Variants in KCTD1 observed in about 807,000 individuals in gnomAD.
The protein encoded by KCTD1 is potassium channel tetramerization domain containing 1, also known as BTB/POZ domain-containing protein KCTD1.
A neutral mutation model predicts 66.0 loss-of-function variants in KCTD1; 24 were observed. That is an observed-to-expected ratio of 0.36 (90% CI 0.26 to 0.51). The LOEUF (loss-of-function observed/expected upper bound fraction) is 0.51. KCTD1 is among the 20% of genes least tolerant of loss of function. KCTD1 has a pLI of 0.95. For missense variants in KCTD1, 943 were observed against 1,205.2 expected, an observed-to-expected ratio of 0.78 and a Z score of 3.22; for synonymous variants, 511 against 517.2, an observed-to-expected ratio of 0.99 and a Z score of 0.16.
At chr18:26,632,467 T>C (rs1370122798), upstream of KCTD1, among the ~76,000 whole-genome samples, 1 of 152,156 alleles carries the variant, frequency 6.6e-6, no homozygotes, top group East Asian at 1.9e-4. Context: ...AATTTGACTT[T>C]GTCATGGAAG....
chr18:26,657,419 T>G (rs1029184858), upstream of KCTD1: 12 of 983,076 alleles, frequency 1.2e-5, no homozygotes, highest in African/African-American at 1.7e-5. Context: ...CTCTCCCCCC[T>G]TTTCCGATTT....
At chr18:26,479,774 T>G (rs1981539615) in intron 2 of KCTD1, among the ~76,000 whole-genome samples, 1 of 152,190 alleles carries the variant, frequency 6.6e-6, no homozygotes, top group South Asian at 2.1e-4. Context: ...GGTCGTAAAA[T>G]GGCGTCCCTG....
In KCTD1 at chr18:26,476,009, C is replaced by T. The variant is rs1981328134; in HGVS notation, c.2133+506G>A. Among the ~76,000 whole-genome samples the T allele has an allele frequency of 6.6e-6, 1 of 152,114 alleles. No homozygotes were observed. The highest frequency in any genetic ancestry group is 6.5e-5 in the Admixed American group (1 of 15,274). Reference sequence around the variant, plus strand: ...TGCAAAAATTACATTTTCGTGAATTCCCTTCTAATATTAACACTTTCTATT... The same window carrying T: ...TGCAAAAATTACATTTTCGTGAATTTCCTTCTAATATTAACACTTTCTATT... On this transcript the variant is annotated intron_variant, in intron 3 of 4. Transcript: ENST00000580059. This position sits in a 1 kb window ranked among gnomAD's most constrained non-coding sequence, Gnocchi z 4.9.
intron 1 of KCTD1, among the ~76,000 whole-genome samples, chr18:26,617,814 A>G (rs1987286534): frequency 8.1e-6 from 1 of 123,072 alleles, no homozygotes; most frequent in African/African-American, 3.1e-5. Flanking sequence ...TGAGCTTGGC[A>G]TTAAGCAATC....
At chr18:26,527,473 G>A (rs1984220081) in intron 1 of KCTD1, among the ~76,000 whole-genome samples, 1 of 136,068 alleles carries the variant, frequency 7.3e-6, no homozygotes, top group East Asian at 2.4e-4. Context: ...ATGTGAAAGA[G>A]GGCTACTGCA....
chr18:26,632,943 G>A (rs1987652820), upstream of KCTD1, among the ~76,000 whole-genome samples: 3 of 152,062 alleles, frequency 2.0e-5, no homozygotes, highest in African/African-American at 4.8e-5. Context: ...AGGGGGTAAG[G>A]AGGGGAAGGA....
intron 2 of KCTD1, among the ~76,000 whole-genome samples, chr18:26,479,209 G>A (rs575905221): frequency 6.6e-6 from 1 of 152,252 alleles, no homozygotes; most frequent in Non-Finnish European, 1.5e-5. Flanking sequence ...TGGGCGTCCG[G>A]GTGGGAGAGA....
At chr18:26,491,461 C>T (rs1159956014) in intron 2 of KCTD1, among the ~76,000 whole-genome samples, 2 of 152,166 alleles carry the variant, frequency 1.3e-5, no homozygotes, top group African/African-American at 4.8e-5. Flanking sequence ...CAACTTTGTC[C>T]CTGGCTGCAG....
chr18:26,548,264 C>A lies in KCTD1; in HGVS notation c.273G>T (p.Glu91Asp). ...GGGGLEEDEE[E>D]EEEEEMGLDW... is the part of the protein sequence containing the mutation. Reference sequence around the variant, plus strand: ...CCAGCCCCATCTCCTCCTCTTCCTCCTCCTCCTCGTCCTCCTCCAGCCCCC... The same window carrying A: ...CCAGCCCCATCTCCTCCTCTTCCTCATCCTCCTCGTCCTCCTCCAGCCCCC... The change falls in exon 1 of 5, where the codon GAG becomes GAT. Residue 91 changes from glutamate to aspartate, a missense_variant. This residue lies in a region of KCTD1 where 236 missense variants were observed against 206.6 expected (regional missense o/e 1.14). Coordinates refer to ENST00000580059, the MANE Select transcript of KCTD1 (RefSeq NM_001142730.3). 6.6e-7 allele frequency: 1 copy of A among 1,514,888 alleles called. No individual in the cohort carries two copies. Among genetic ancestry groups the A allele is most frequent in the Non-Finnish European group, 8.8e-7 (1 of 1,135,286 alleles). The allele number at this position is 1,514,888 out of a possible 1,614,324, so 93.8% of individuals were successfully genotyped here.
At chr18:26,475,490 G>C (rs1981295111) in intron 3 of KCTD1, among the ~76,000 whole-genome samples, 1 of 152,112 alleles carries the variant, frequency 6.6e-6, no homozygotes, top group South Asian at 2.1e-4. Flanking sequence ...TTTATTCCTA[G>C]GTGTTATAAT....
At chr18:26,494,973 T>C (rs1482702192) in intron 2 of KCTD1, among the ~76,000 whole-genome samples, 2 of 152,250 alleles carry the variant, frequency 1.3e-5, no homozygotes, top group African/African-American at 4.8e-5. Flanking sequence ...ATACCTATTC[T>C]GTGACTTTTA....
intron 2 of KCTD1, among the ~76,000 whole-genome samples, chr18:26,498,504 T>C (rs1982593973): frequency 6.6e-6 from 1 of 150,606 alleles, no homozygotes; most frequent in Admixed American, 6.7e-5. Context: ...AAGAAACAAG[T>C]AAAATTAATT....
intron 1 of KCTD1, among the ~76,000 whole-genome samples, chr18:26,603,746 A>AAAAG: frequency 1.0e-5 from 1 of 96,266 alleles, no homozygotes. Context: ...GTGTCTCAAA[A>AAAAG]AAATAAAATA....
At chr18:26,568,407 T>C (rs1017624188) in intron 1 of KCTD1, among the ~76,000 whole-genome samples, 2 of 151,916 alleles carry the variant, frequency 1.3e-5, no homozygotes, top group African/African-American at 4.8e-5. Flanking sequence ...CAGCTAATAT[T>C]TGTATTTTTA....
intron 1 of KCTD1, among the ~76,000 whole-genome samples, chr18:26,520,787 C>T (rs1983873712): frequency 6.6e-6 from 1 of 152,218 alleles, no homozygotes; most frequent in African/African-American, 2.4e-5. Context: ...CCTGGAGATA[C>T]TGAGATAGTA....
At chr18:26,523,933 C>T (rs931636555) in intron 1 of KCTD1, among the ~76,000 whole-genome samples, 6 of 152,188 alleles carry the variant, frequency 3.9e-5, no homozygotes, top group East Asian at 1.9e-4. Flanking sequence ...TGCTGGCCAA[C>T]GGGGCTTCAA....
chr18:26,483,640 T>C (rs541819256), intron 2 of KCTD1, among the ~76,000 whole-genome samples: 3 of 152,344 alleles, frequency 2.0e-5, no homozygotes, highest in African/African-American at 7.2e-5. Flanking sequence ...TGGTTACTAA[T>C]TTGGATTCTC....
chr18:26,493,399 AT>A (rs1175104071), intron 2 of KCTD1, among the ~76,000 whole-genome samples: 1 of 142,840 alleles, frequency 7.0e-6, no homozygotes, highest in Non-Finnish European at 1.6e-5. Context: ...ACAAAGATGT[AT>A]TTTTTGGGGG....
intron 4 of KCTD1, 140 bp from the exon 5 acceptor site, chr18:26,456,041 G>A (rs537314040): frequency 1.4e-6 from 1 of 727,824 alleles, no homozygotes; most frequent in East Asian, 2.7e-5. Flanking sequence ...CCTCTCAAAG[G>A]AAGACCCTGG....
Sources: allele counts gnomAD v4.1 joint callset (sites outside exome capture counted in the v4.1 genomes callset), GRCh38; gene constraint gnomAD v4.1.1; regional missense constraint gnomAD v4.1.1; non-coding constraint Gnocchi (gnomAD v3.1); transcripts MANE v1.5; gene names NCBI Gene and HGNC (gene_info 2026-07-23, HGNC 2026-07-21).